The following RASGEF1C variants were observed in gnomAD, a reference collection of about 807,000 sequenced individuals.
RASGEF1C encodes the protein RasGEF domain family member 1C.
RASGEF1C carries 27 observed loss-of-function variants against 58.1 expected under a neutral mutation model. The observed-to-expected ratio is 0.46, with a 90% CI of 0.34 to 0.64. RASGEF1C has a LOEUF of 0.64. RASGEF1C is among the 30% of genes least tolerant of loss of function. RASGEF1C has a pLI of 0.01. For missense variants in RASGEF1C, 502 were observed against 605.1 expected, an observed-to-expected ratio of 0.83 and a Z score of 1.79; for synonymous variants, 243 against 246.3, an observed-to-expected ratio of 0.99 and a Z score of 0.13.
intron 4 of RASGEF1C, among the ~76,000 whole-genome samples, chr5:180,132,130 A>G (rs1766380014): frequency 1.3e-5 from 2 of 152,112 alleles, no homozygotes; most frequent in African/African-American, 2.4e-5. Context: ...TCGTGGGTCC[A>G]TGTTTATGAA....
At position 180,137,948 on chromosome 5, in the gene RASGEF1C, A is replaced by G. The variant is rs1423387566; in HGVS notation, c.105T>C (p.Asp35=). 100 of 1,612,130 alleles carry G rather than the reference A, an allele frequency of 6.2e-5. 3 individuals carry two copies. In the Admixed American group the frequency reaches 1.7e-3, roughly 27 times the overall value. The part of the protein sequence containing the change: ...DGEQAGQPLL[D]GAPSSASLET... ...CCAGGGAGGCTGAGGATGGCGCTCC[A>G]TCCAGGAGGGGCTGCCCAGCCTGTT... The change falls in exon 2 of 14, where the codon GAT becomes GAC. Residue 35 remains aspartate, a synonymous_variant. Coordinates refer to ENST00000361132, the MANE Select transcript of RASGEF1C (RefSeq NM_175062.4). The surrounding 1 kb of genome is among the most constrained non-coding windows in gnomAD (Gnocchi z 4.1).
At chr5:180,206,121 T>C (rs1015592888) in intron 1 of RASGEF1C, among the ~76,000 whole-genome samples, 1 of 152,102 alleles carries the variant, frequency 6.6e-6, no homozygotes, top group Non-Finnish European at 1.5e-5. Context: ...TGAGACACAC[T>C]AGAAAGCCCA....
chr5:180,110,221 C>G (rs1402200074), intron 12 of RASGEF1C, among the ~76,000 whole-genome samples: 3 of 152,086 alleles, frequency 2.0e-5, no homozygotes, highest in African/African-American at 7.2e-5. Context: ...GGGGTGGGAG[C>G]GGCTCAGACA....
At chr5:180,120,242 C>T (rs1379294791) in intron 7 of RASGEF1C, among the ~76,000 whole-genome samples, 4 of 152,224 alleles carry the variant, frequency 2.6e-5, no homozygotes, top group East Asian at 3.9e-4. Flanking sequence ...CAGAGAGCTG[C>T]GCACCCAAGG....
Position 180,177,045 on chromosome 5 carries a change from G to A in RASGEF1C, c.-7+31983C>T, listed in dbSNP as rs540545031. Among the ~76,000 whole-genome samples the A allele has an allele frequency of 2.6e-5, 4 of 152,238 alleles. No individual in the cohort carries two copies. In the South Asian group the frequency reaches 8.3e-4, roughly 32 times the overall value. On this transcript the variant is annotated intron_variant, in intron 1 of 13. Transcript: ENST00000361132. This position sits in a 1 kb window ranked among gnomAD's most constrained non-coding sequence, Gnocchi z 5.0. ...CCCAACCTTGGTCAACCTCCCAGAG[G>A]AGAGGGCTGCAGACGAGGGGTTTCC...
chr5:180,118,564 G>C, intron 10 of RASGEF1C, 45 bp downstream of exon 10: 1 of 1,524,350 alleles, frequency 6.6e-7, no homozygotes, highest in Non-Finnish European at 8.9e-7. Context: ...CCAGCACCCA[G>C]GTTCCCTGCT....
At chr5:180,122,292 A>G (rs1287579429) in intron 6 of RASGEF1C, among the ~76,000 whole-genome samples, 1 of 152,198 alleles carries the variant, frequency 6.6e-6, no homozygotes, top group Non-Finnish European at 1.5e-5. Flanking sequence ...TGCATCTATC[A>G]TAACCATATA....
chr5:180,169,020 C>T (rs543728178), intron 1 of RASGEF1C, among the ~76,000 whole-genome samples: 1 of 152,196 alleles, frequency 6.6e-6, no homozygotes, highest in African/African-American at 2.4e-5. Flanking sequence ...CTTCTCTGTG[C>T]GTTCTGTTGG....
intron 5 of RASGEF1C, 150 bp from the exon 6 acceptor site, chr5:180,127,833 T>G (rs1766289918): frequency 1.4e-6 from 1 of 693,202 alleles, no homozygotes; most frequent in Non-Finnish European, 2.4e-6. Flanking sequence ...AGACCCTGTT[T>G]TAGGTTGTCA....
Position 180,162,860 on chromosome 5 carries a change from A to G in RASGEF1C, c.-6-24802T>C, listed in dbSNP as rs911884676. On this transcript the variant is annotated intron_variant, in intron 1 of 13. Coordinates refer to ENST00000361132, the MANE Select transcript of RASGEF1C (RefSeq NM_175062.4). The stretch of plus-strand genomic sequence containing the variant: ...GTTGAGTCTTCCAATCCATGAATAC[A>G]GTGTGTCGCTATGATTACTTGGGTC... Among the ~76,000 whole-genome samples the G allele has an allele frequency of 4.6e-5, 7 of 152,334 alleles. No individual in the cohort carries two copies. In the East Asian group the frequency reaches 1.4e-3, roughly 29 times the overall value.
chr5:180,183,954 T>A (rs879562553), intron 1 of RASGEF1C, among the ~76,000 whole-genome samples: 51 of 149,540 alleles, frequency 3.4e-4, no homozygotes, highest in Admixed American at 6.6e-4. Context: ...GGCAGATCTC[T>A]TGAGGTCAGG....
chr5:180,172,385 C>T (rs1032949807), intron 1 of RASGEF1C, among the ~76,000 whole-genome samples: 3 of 152,188 alleles, frequency 2.0e-5, no homozygotes, highest in Non-Finnish European at 4.4e-5. Context: ...TCTACTGCTG[C>T]GTGTGTTCCC....
intron 1 of RASGEF1C, among the ~76,000 whole-genome samples, chr5:180,147,632 T>C (rs1217592116): frequency 6.6e-6 from 1 of 152,218 alleles, no homozygotes; most frequent in Admixed American, 6.5e-5. Context: ...TATTGATTTC[T>C]AATTTCATCC....
chr5:180,120,671 A>G (rs1029737681), intron 7 of RASGEF1C, among the ~76,000 whole-genome samples: 2 of 152,180 alleles, frequency 1.3e-5, no homozygotes, highest in Non-Finnish European at 2.9e-5. Flanking sequence ...TGCATCTCCC[A>G]GTGCTCAAAG....
chr5:180,190,643 A>G (rs1167517852), intron 1 of RASGEF1C, among the ~76,000 whole-genome samples: 6 of 151,404 alleles, frequency 4.0e-5, no homozygotes, highest in South Asian at 4.2e-4. Context: ...TCTCCAGCCT[A>G]GGTGACAGAG....
chr5:180,188,804 G>T (rs951992046), intron 1 of RASGEF1C, among the ~76,000 whole-genome samples: 4 of 152,170 alleles, frequency 2.6e-5, no homozygotes, highest in African/African-American at 9.7e-5. Flanking sequence ...GTACCCAATA[G>T]TTTTTCAACC....
intron 1 of RASGEF1C, among the ~76,000 whole-genome samples, chr5:180,161,943 T>C (rs1707478074): frequency 6.6e-6 from 1 of 152,228 alleles, no homozygotes; most frequent in Admixed American, 6.5e-5. Context: ...TCCATACCCA[T>C]GGCAGTGCCC....
In RASGEF1C at chr5:180,101,194, A is replaced by C; in HGVS notation, c.*307T>G. 4 of 432,698 alleles carry C rather than the reference A, an allele frequency of 9.2e-6. No individual in the cohort carries two copies. The highest frequency in any genetic ancestry group is 1.7e-5 in the Non-Finnish European group (4 of 238,832). 26.8% of individuals were successfully genotyped at this position (432,698 alleles called of 1,614,324 possible). Reference sequence around the variant, plus strand: ...TTGCAGTGGTCCCACCCTCTGGGGCAGTGTTGTGTCCTTGCCGAGGATGGA... The same window carrying C: ...TTGCAGTGGTCCCACCCTCTGGGGCCGTGTTGTGTCCTTGCCGAGGATGGA... On this transcript the variant is annotated 3_prime_UTR_variant, in exon 14 of 14. Coordinates refer to ENST00000361132, the MANE Select transcript of RASGEF1C (RefSeq NM_175062.4).
At position 180,158,487 on chromosome 5, in the gene RASGEF1C, G is replaced by A. The variant is rs1430307622; in HGVS notation, c.-6-20429C>T. Among the ~76,000 whole-genome samples, 1 of 152,200 alleles carries A rather than the reference G, an allele frequency of 6.6e-6. No individual in the cohort carries two copies. Among genetic ancestry groups the A allele is most frequent in the East Asian group, 1.9e-4 (1 of 5,200 alleles). ...GTAGTTTATAGTTCAGCAAGGCATA[G>A]AATTCTAGATCTGTGCTCGTTTGTC... is the stretch of plus-strand genomic sequence containing the variant. On this transcript the variant is annotated intron_variant, in intron 1 of 13. Coordinates refer to ENST00000361132, the MANE Select transcript of RASGEF1C (RefSeq NM_175062.4). This position sits in a 1 kb window ranked among gnomAD's most constrained non-coding sequence, Gnocchi z 4.0.
Sources: gnomAD v4.1 joint callset for allele counts (sites outside exome capture counted in the v4.1 genomes callset) on GRCh38, gnomAD v4.1.1 for gene constraint, Gnocchi (gnomAD v3.1) non-coding constraint, MANE v1.5 for transcripts, NCBI Gene and HGNC (gene_info 2026-07-23, HGNC 2026-07-21) for gene names.